The following ZNF385D variants were observed in gnomAD, a reference collection of about 807,000 sequenced individuals.
ZNF385D encodes the protein zinc finger protein 385D.
A neutral mutation model predicts 35.8 loss-of-function variants in ZNF385D; 15 were observed. That is an observed-to-expected ratio of 0.42 (90% CI 0.28 to 0.64). The LOEUF (loss-of-function observed/expected upper bound fraction) is 0.64, where lower values mean the gene tolerates loss of function less well. ZNF385D is among the 30% of genes least tolerant of loss of function. The pLI is 0.23. For missense variants in ZNF385D, 474 were observed against 494.6 expected (o/e 0.96, Z 0.39); for synonymous variants, 212 against 186.8 (o/e 1.13, Z -1.10).
chr3:21,460,793 T>C (rs1227591653), intron 4 of ZNF385D, among the ~76,000 whole-genome samples: 1 of 152,170 alleles, frequency 6.6e-6, no homozygotes, highest in African/African-American at 2.4e-5. Context: ...TAGAACTTTC[T>C]ACAGAAAAAT....
intron 3 of ZNF385D, among the ~76,000 whole-genome samples, chr3:21,856,975 T>C (rs1696751476): frequency 6.6e-6 from 1 of 152,108 alleles, no homozygotes; most frequent in Non-Finnish European, 1.5e-5. Flanking sequence ...ATAGGTAACC[T>C]TCTCATGTTT....
At chr3:22,010,643 T>C (rs28710074) in intron 3 of ZNF385D, among the ~76,000 whole-genome samples, 9,611 of 152,230 alleles carry the variant, frequency 0.063, 991 homozygotes, top group African/African-American at 0.21. Context: ...GAGGTTCCAA[T>C]GGACCTAATA....
rs573996338 is a variant in ZNF385D at position 21,974,979 on chromosome 3, T to G, written c.325+193838A>C. ...CGAACACTGTTAGTGGAAATGAAAT[T>G]AGTACAACCACTATAAAGAACAGTT... On this transcript the variant is annotated intron_variant, in intron 3 of 5. Coordinates refer to the ZNF385D transcript ENST00000494108. Among the ~76,000 whole-genome samples the G allele has an allele frequency of 2.6e-5, 4 of 152,252 alleles. No individual in the cohort carries two copies. In the East Asian group the frequency reaches 7.7e-4, roughly 29 times the overall value.
intron 3 of ZNF385D, among the ~76,000 whole-genome samples, chr3:21,956,194 A>G (rs1026142632): frequency 6.6e-6 from 1 of 151,942 alleles, no homozygotes; most frequent in African/African-American, 2.4e-5. Context: ...CTCAGGAAAC[A>G]AACAAACAAA....
chr3:22,332,981 T>C (rs1354530368), intron 2 of ZNF385D, among the ~76,000 whole-genome samples: 1 of 152,138 alleles, frequency 6.6e-6, no homozygotes. Flanking sequence ...GATCAGTTCT[T>C]TCAGAGAAGG....
intron 1 of ZNF385D, among the ~76,000 whole-genome samples, chr3:21,709,540 T>C (rs1247442688): frequency 1.3e-5 from 2 of 152,244 alleles, no homozygotes; most frequent in Middle Eastern, 3.4e-3. Context: ...AGCCTCCTTG[T>C]CTACTCTTAA....
intron 1 of ZNF385D, among the ~76,000 whole-genome samples, chr3:21,709,513 G>A (rs911064776): frequency 2.7e-5 from 3 of 112,610 alleles, no homozygotes; most frequent in Non-Finnish European, 5.8e-5. Context: ...AACAAAACAA[G>A]ACTCACCTTT....
chr3:21,977,654 A>G (rs897545789), intron 3 of ZNF385D, among the ~76,000 whole-genome samples: 1 of 152,002 alleles, frequency 6.6e-6, no homozygotes, highest in African/African-American at 2.4e-5. Flanking sequence ...CGCCATCTCT[A>G]AAAATATATA....
intron 3 of ZNF385D, among the ~76,000 whole-genome samples, chr3:21,792,898 G>A (rs2071989170): frequency 6.6e-6 from 1 of 152,104 alleles, no homozygotes. Flanking sequence ...TCTCTGACCA[G>A]TATTCAAAAT....
At chr3:21,974,801 A>G (rs756782584) in intron 3 of ZNF385D, among the ~76,000 whole-genome samples, 2 of 152,204 alleles carry the variant, frequency 1.3e-5, no homozygotes, top group Non-Finnish European at 2.9e-5. Context: ...CAAATGGCAA[A>G]CAAGGATATA....
intron 3 of ZNF385D, chr3:22,168,471 T>TG (rs1421339897): frequency 6.6e-6 from 1 of 151,984 alleles, no homozygotes; most frequent in African/African-American, 2.4e-5. Context: ...TCTGCAGGAA[T>TG]AAAAAAATAA....
At chr3:21,835,080 T>C (rs1350283339) in intron 3 of ZNF385D, among the ~76,000 whole-genome samples, 2 of 152,126 alleles carry the variant, frequency 1.3e-5, no homozygotes, top group East Asian at 3.9e-4. Context: ...CACTTGTTTA[T>C]TGGTATACAG....
chr3:22,194,703 T>G (rs935515970), intron 2 of ZNF385D, among the ~76,000 whole-genome samples: 2 of 151,942 alleles, frequency 1.3e-5, no homozygotes, highest in Non-Finnish European at 2.9e-5. Context: ...TAATCTGTTC[T>G]ATGTCATTCG....
intron 2 of ZNF385D, among the ~76,000 whole-genome samples, chr3:21,604,336 G>A (rs114188117): frequency 0.015 from 2,356 of 152,302 alleles, 77 homozygotes; most frequent in African/African-American, 0.054. Flanking sequence ...CTGCCAATGT[G>A]AAGAAAGACA....
At chr3:21,990,120 A>T (rs1695069069) in intron 3 of ZNF385D, among the ~76,000 whole-genome samples, 1 of 152,230 alleles carries the variant, frequency 6.6e-6, no homozygotes, top group Non-Finnish European at 1.5e-5. Flanking sequence ...CTTTTAAAAA[A>T]ATTTTTGTGA....
intron 1 of ZNF385D, among the ~76,000 whole-genome samples, chr3:21,702,626 T>G (rs2125386939): frequency 6.6e-6 from 1 of 152,370 alleles, no homozygotes; most frequent in East Asian, 1.9e-4. Context: ...GCTGCAAATT[T>G]TCTGAACTTT....
chr3:21,828,491 T>A (rs1694794802), intron 3 of ZNF385D, among the ~76,000 whole-genome samples: 1 of 152,190 alleles, frequency 6.6e-6, no homozygotes, highest in African/African-American at 2.4e-5. Flanking sequence ...AATTGCAGTT[T>A]TACTCACCTA....
chr3:22,202,117 T>A (rs553020426), intron 2 of ZNF385D, among the ~76,000 whole-genome samples: 10 of 152,204 alleles, frequency 6.6e-5, no homozygotes, highest in Admixed American at 4.6e-4. Context: ...TTAGTTCAAT[T>A]TTTTAATTTT....
intron 3 of ZNF385D, among the ~76,000 whole-genome samples, chr3:21,913,135 A>T (rs1009863939): frequency 1.3e-5 from 2 of 152,068 alleles, no homozygotes; most frequent in African/African-American, 4.8e-5. Context: ...TGTTCCTCTA[A>T]ATGTAAATAA....
Sources: allele counts gnomAD v4.1 joint callset (sites outside exome capture counted in the v4.1 genomes callset), GRCh38; gene constraint gnomAD v4.1.1; transcripts MANE v1.5; gene names NCBI Gene and HGNC (gene_info 2026-07-23, HGNC 2026-07-21).